Variants in DPP10 observed in about 807,000 individuals in gnomAD.
DPP10 encodes inactive dipeptidyl peptidase 10.
DPP10 carries 33 observed loss-of-function variants against 120.9 expected under a neutral mutation model. That is an observed-to-expected ratio of 0.27 (90% CI 0.21 to 0.37). The LOEUF is 0.37. Ranked by LOEUF, DPP10 falls within the 10% of genes least tolerant of loss-of-function variation. The pLI is 1.00. For synonymous variants in DPP10, 337 were observed against 326.1 expected (o/e 1.03, Z -0.36); for missense variants, 816 against 942.8 (o/e 0.87, Z 1.76).
Position 115,106,209 on chromosome 2 carries a change from T to G in DPP10, c.61-203030T>G, listed in dbSNP as rs144517129. ...ATAATGTCACTTTGAACAGTGATTGTGTGAATGCTCAGAATTACTAATAAT... is the reference window on the plus strand; with the variant it reads ...ATAATGTCACTTTGAACAGTGATTGGGTGAATGCTCAGAATTACTAATAAT... On this transcript the variant is annotated intron_variant, in intron 1 of 25. Coordinates refer to ENST00000410059, the MANE Select transcript of DPP10 (RefSeq NM_020868.6). 2.2e-3 allele frequency among the ~76,000 whole-genome samples: 338 copies of G among 152,352 alleles called. 1 individual carries two copies. The highest frequency in any genetic ancestry group is 7.6e-3 in the African/African-American group (317 of 41,584).
chr2:115,593,842 A>T (rs2082828857), intron 5 of DPP10, among the ~76,000 whole-genome samples: 1 of 152,224 alleles, frequency 6.6e-6, no homozygotes, highest in Non-Finnish European at 1.5e-5. Flanking sequence ...GTTCAACAGG[A>T]ATCATTGTTC....
chr2:114,684,671 G>A (rs934107015), intron 1 of DPP10, among the ~76,000 whole-genome samples: 1 of 151,892 alleles, frequency 6.6e-6, no homozygotes, highest in South Asian at 2.1e-4. Context: ...ACATTTTGCC[G>A]GATGAGTCTG....
intron 1 of DPP10, among the ~76,000 whole-genome samples, chr2:114,890,485 A>G (rs1350990649): frequency 6.6e-6 from 1 of 152,184 alleles, no homozygotes; most frequent in African/African-American, 2.4e-5. Context: ...AACATACACA[A>G]TAGGTAAAAC....
At chr2:114,940,827 T>C (rs1186190230) in intron 1 of DPP10, among the ~76,000 whole-genome samples, 1 of 152,192 alleles carries the variant, frequency 6.6e-6, no homozygotes, top group Non-Finnish European at 1.5e-5. Flanking sequence ...CTGCACACAT[T>C]TTATCCTGCC....
chr2:115,767,836 AG>A (rs1170972722), intron 12 of DPP10, among the ~76,000 whole-genome samples: 3 of 152,276 alleles, frequency 2.0e-5, no homozygotes, highest in African/African-American at 7.2e-5. Flanking sequence ...TTATCAGAAA[AG>A]AATCTTCAAG....
chr2:114,938,097 C>T (rs927813872), intron 1 of DPP10, among the ~76,000 whole-genome samples: 1 of 152,166 alleles, frequency 6.6e-6, no homozygotes, highest in Non-Finnish European at 1.5e-5. Context: ...AGTCAGCATT[C>T]CCCATGAGCA....
chr2:114,849,313 G>T (rs542265173), intron 1 of DPP10, among the ~76,000 whole-genome samples: 5 of 152,124 alleles, frequency 3.3e-5, no homozygotes, highest in African/African-American at 9.6e-5. Flanking sequence ...GTTTATGTCT[G>T]CAGGGTAAGA....
At chr2:114,823,583 G>A (rs563419598) in intron 1 of DPP10, among the ~76,000 whole-genome samples, 16 of 152,210 alleles carry the variant, frequency 1.1e-4, no homozygotes, top group South Asian at 2.1e-4. Context: ...TTAGAGCTGC[G>A]GAGTATATTG....
At chr2:115,515,574 A>G (rs1401897341) in intron 4 of DPP10, among the ~76,000 whole-genome samples, 1 of 152,072 alleles carries the variant, frequency 6.6e-6, no homozygotes, top group African/African-American at 2.4e-5. Context: ...GGAACATTTT[A>G]AAAAAATATT....
intron 1 of DPP10, among the ~76,000 whole-genome samples, chr2:114,481,705 T>C (rs1256957865): frequency 6.6e-6 from 1 of 152,130 alleles, no homozygotes; most frequent in Non-Finnish European, 1.5e-5. Context: ...AAAAGGTTAC[T>C]GTATTAGTCC....
chr2:114,477,964 T>TATGTACATATATGTGTGTATAC (rs1680661346), intron 1 of DPP10, among the ~76,000 whole-genome samples: 2 of 150,566 alleles, frequency 1.3e-5, no homozygotes, highest in Non-Finnish European at 3.0e-5. Context: ...TGTGTGTATA[T>TATGTACATATATGTGTGTATAC]GTATATATGT....
chr2:115,205,698 TA>T (rs111983256), intron 1 of DPP10, among the ~76,000 whole-genome samples: 25 of 152,166 alleles, frequency 1.6e-4, no homozygotes, highest in African/African-American at 5.8e-4. Flanking sequence ...TATGCGGCCG[TA>T]AAAAAGAATG....
chr2:115,158,542 A>G (rs2052072087), intron 1 of DPP10, among the ~76,000 whole-genome samples: 1 of 152,186 alleles, frequency 6.6e-6, no homozygotes, highest in African/African-American at 2.4e-5. Flanking sequence ...ATGGAGTTTG[A>G]ATTCTAGGAA....
At chr2:114,944,263 T>C (rs986294113) in intron 1 of DPP10, among the ~76,000 whole-genome samples, 4 of 152,154 alleles carry the variant, frequency 2.6e-5, no homozygotes, top group African/African-American at 9.7e-5. Flanking sequence ...CCTACACTAT[T>C]AATAATATGA....
At chr2:115,647,908 G>A (rs1318140110) in intron 5 of DPP10, among the ~76,000 whole-genome samples, 1 of 152,172 alleles carries the variant, frequency 6.6e-6, no homozygotes, top group Non-Finnish European at 1.5e-5. Context: ...GAATTTTGGA[G>A]GTGATTTACG....
At position 114,590,219 on chromosome 2, in the gene DPP10, A is replaced by G. The variant is rs369890211; in HGVS notation, c.60+147381A>G. Among the ~76,000 whole-genome samples, 6 of 152,312 alleles carry G rather than the reference A, an allele frequency of 3.9e-5. No individual in the cohort carries two copies. In the East Asian group the frequency reaches 7.7e-4, roughly 20 times the overall value. On this transcript the variant is annotated intron_variant, in intron 1 of 25. Coordinates refer to ENST00000410059, the MANE Select transcript of DPP10 (RefSeq NM_020868.6). ...GAATTGCTCCTCAAAGTATGCTTTC[A>G]TCAATTTTACTGAAATCTTATATCT...
intron 2 of DPP10, among the ~76,000 whole-genome samples, chr2:115,336,852 G>A (rs1000720275): frequency 3.3e-5 from 5 of 151,738 alleles, no homozygotes; most frequent in African/African-American, 1.2e-4. Flanking sequence ...CCACCTTCTC[G>A]TTGTTCAGTG....
intron 2 of DPP10, among the ~76,000 whole-genome samples, chr2:115,318,960 A>G (rs866897812): frequency 6.6e-6 from 1 of 152,158 alleles, no homozygotes; most frequent in Admixed American, 6.5e-5. Context: ...CTGGATAACA[A>G]TGGTAAAAGT....
intron 3 of DPP10, among the ~76,000 whole-genome samples, chr2:115,349,984 C>A (rs1031645420): frequency 6.6e-6 from 1 of 151,956 alleles, no homozygotes; most frequent in Non-Finnish European, 1.5e-5. Flanking sequence ...AATCATCAAC[C>A]AAACTGATAG....
Sources: allele counts gnomAD v4.1 joint callset (sites outside exome capture counted in the v4.1 genomes callset), GRCh38; gene constraint gnomAD v4.1.1; transcripts MANE v1.5; gene names NCBI Gene and HGNC (gene_info 2026-07-23, HGNC 2026-07-21).